Variants in PARD3 observed in about 807,000 individuals in gnomAD.
PARD3 encodes the protein partitioning defective 3 homolog.
In PARD3, 75 loss-of-function variants were observed where a neutral mutation model predicts 155.4. The ratio of observed to expected loss-of-function variants is 0.48; its 90% CI spans 0.40 to 0.58. The LOEUF is 0.58. Among genes scored for constraint, PARD3 ranks in the 20% least tolerant of loss-of-function variants. The pLI, the probability that PARD3 is intolerant of heterozygous loss-of-function variation, is 0.00. For missense variants in PARD3, 1,642 were observed against 1,721.7 expected (o/e 0.95, Z 0.82); for synonymous variants, 576 against 610.5 (o/e 0.94, Z 0.83).
At chr10:34,561,382 T>C (rs1430942023) in intron 2 of PARD3, among the ~76,000 whole-genome samples, 3 of 152,220 alleles carry the variant, frequency 2.0e-5, no homozygotes, top group African/African-American at 7.2e-5. Flanking sequence ...AGTATTTCAT[T>C]TGTCAGTTCC....
At chr10:34,653,331 A>G (rs915057364) in intron 2 of PARD3, among the ~76,000 whole-genome samples, 4 of 152,206 alleles carry the variant, frequency 2.6e-5, no homozygotes, top group African/African-American at 9.6e-5. Context: ...GCTCTCTTAG[A>G]CAGCAAGGAA....
At chr10:34,351,545 G>A (rs1838082553) in intron 14 of PARD3, among the ~76,000 whole-genome samples, 1 of 152,202 alleles carries the variant, frequency 6.6e-6, no homozygotes, top group African/African-American at 2.4e-5. Flanking sequence ...GAGAGTGAAG[G>A]AAGATTTAGA....
intron 2 of PARD3, among the ~76,000 whole-genome samples, chr10:34,654,560 G>C (rs2093112487): frequency 6.6e-6 from 1 of 152,132 alleles, no homozygotes; most frequent in Non-Finnish European, 1.5e-5. Context: ...TAGAGTTCCA[G>C]GTTCCACAAA....
intron 22 of PARD3, among the ~76,000 whole-genome samples, chr10:34,254,067 C>G (rs991210752): frequency 6.6e-6 from 1 of 152,114 alleles, no homozygotes; most frequent in Non-Finnish European, 1.5e-5. Flanking sequence ...GCACTTGTAC[C>G]TGATGAATAC....
At chr10:34,528,977 T>A (rs569472148) in intron 2 of PARD3, among the ~76,000 whole-genome samples, 1 of 152,070 alleles carries the variant, frequency 6.6e-6, no homozygotes, top group Non-Finnish European at 1.5e-5. Context: ...TGAAGGAAAA[T>A]GACAGATTTT....
At chr10:34,156,553 T>G (rs1949013539) in intron 22 of PARD3, among the ~76,000 whole-genome samples, 1 of 152,076 alleles carries the variant, frequency 6.6e-6, no homozygotes, top group African/African-American at 2.4e-5. Context: ...CAATAGGAGG[T>G]AAGAACTTAA....
At position 34,170,960 on chromosome 10, in the gene PARD3, A is replaced by G. The variant is rs1949758872; in HGVS notation, c.3420-39377T>C. Among the ~76,000 whole-genome samples the G allele has an allele frequency of 2.0e-5, 3 of 152,370 alleles. No homozygotes were observed. The South Asian group carries it at 6.2e-4, about 32-fold the overall frequency. ...CTCTTTCATTTACCAATGGCTACTC[A>G]GAGCTGTAATCAAGCCAGGTCGTCT... On this transcript the variant is annotated intron_variant, in intron 22 of 24. Coordinates refer to ENST00000374788, the MANE Select transcript of PARD3 (RefSeq NM_001184785.2).
At chr10:34,713,105 GGGAGGCTGA>G (rs1183350585) in intron 1 of PARD3, among the ~76,000 whole-genome samples, 1 of 152,050 alleles carries the variant, frequency 6.6e-6, no homozygotes, top group African/African-American at 2.4e-5. Context: ...CCAACTACTT[GGGAGGCTGA>G]GGCAGGAGAA....
At chr10:34,637,827 T>A (rs1369179854) in intron 2 of PARD3, among the ~76,000 whole-genome samples, 1 of 152,186 alleles carries the variant, frequency 6.6e-6, no homozygotes, top group Non-Finnish European at 1.5e-5. Flanking sequence ...AACCAAGTGA[T>A]CTCTTCTACA....
At chr10:34,743,838 A>G (rs1005961874) in intron 1 of PARD3, among the ~76,000 whole-genome samples, 5 of 152,052 alleles carry the variant, frequency 3.3e-5, no homozygotes, top group Admixed American at 6.6e-5. Context: ...CTGCCCCCAC[A>G]ATCACGCCTG....
chr10:34,221,816 G>A (rs1952311158), intron 22 of PARD3, among the ~76,000 whole-genome samples: 1 of 152,186 alleles, frequency 6.6e-6, no homozygotes, highest in Non-Finnish European at 1.5e-5. Context: ...ACAAACCGCT[G>A]AGTTAGTTTT....
chr10:34,404,442 G>A (rs1367699127), intron 5 of PARD3, among the ~76,000 whole-genome samples: 1 of 152,142 alleles, frequency 6.6e-6, no homozygotes, highest in African/African-American at 2.4e-5. Flanking sequence ...TGAGGTGGGA[G>A]GACCACTTGA....
chr10:34,360,229 G>C lies in PARD3; in HGVS notation c.1738C>G (p.Pro580Ala), dbSNP rs1209168898. 1 of 1,613,518 alleles carries C rather than the reference G, an allele frequency of 6.2e-7. No homozygotes were observed. Among genetic ancestry groups the C allele is most frequent in the Non-Finnish European group, 8.5e-7 (1 of 1,179,554 alleles). The change falls in exon 13 of 25, where the codon CCT (proline) becomes GCT (alanine). Residue 580 changes from proline (P) to alanine (A), a missense_variant. By Grantham distance (27) the Pro-to-Ala change is conservative (BLOSUM62 -1). Coordinates refer to ENST00000374788, the MANE Select transcript of PARD3 (RefSeq NM_001184785.2). Reference sequence around the variant, plus strand: ...GTCAGAAATTCCCTGGTGCCATCAGGTGTAAGAACAATATCCTCATCTTCT... The same window carrying C: ...GTCAGAAATTCCCTGGTGCCATCAGCTGTAAGAACAATATCCTCATCTTCT... ...KAEDEDIVLT[P>A]DGTREFLTFE...
At chr10:34,207,979 T>C (rs1312760201) in intron 22 of PARD3, among the ~76,000 whole-genome samples, 3 of 152,240 alleles carry the variant, frequency 2.0e-5, no homozygotes, top group Non-Finnish European at 4.4e-5. Context: ...TCTCTCTGGA[T>C]AATATATGCC....
At position 34,652,859 on chromosome 10, in the gene PARD3, C is replaced by T. The variant is rs182844416; in HGVS notation, c.222+43459G>A. Among the ~76,000 whole-genome samples, 459 of 152,162 alleles carry T rather than the reference C, an allele frequency of 3.0e-3. 1 individual carries two copies. The highest frequency in any genetic ancestry group is 4.9e-3 in the Non-Finnish European group (333 of 68,018). On this transcript the variant is annotated intron_variant, in intron 2 of 24. Coordinates refer to ENST00000374788, the MANE Select transcript of PARD3 (RefSeq NM_001184785.2). ...GAGCTTACATATAAAGTTAACAGTGCGTAAGTGGGTTAGATTTTGGCTGTT... is the reference window on the plus strand; with the variant it reads ...GAGCTTACATATAAAGTTAACAGTGTGTAAGTGGGTTAGATTTTGGCTGTT...
At chr10:34,290,302 C>T (rs1023576500) in intron 20 of PARD3, among the ~76,000 whole-genome samples, 3 of 152,128 alleles carry the variant, frequency 2.0e-5, no homozygotes, top group Non-Finnish European at 4.4e-5. Flanking sequence ...AACAGAATAT[C>T]CGGAACCAAT....
At chr10:34,300,212 G>T (rs1957082966) in intron 20 of PARD3, among the ~76,000 whole-genome samples, 1 of 152,146 alleles carries the variant, frequency 6.6e-6, no homozygotes, top group Admixed American at 6.5e-5. Flanking sequence ...TTTTTTGGAA[G>T]TCATGGGAAT....
chr10:34,358,515 G>C (rs1301203182), intron 14 of PARD3, among the ~76,000 whole-genome samples: 1 of 152,132 alleles, frequency 6.6e-6, no homozygotes, highest in Non-Finnish European at 1.5e-5. Context: ...TCTCACAAGA[G>C]AACACCATCA....
At chr10:34,459,227 C>T (rs1165851114) in intron 4 of PARD3, among the ~76,000 whole-genome samples, 5 of 152,060 alleles carry the variant, frequency 3.3e-5, no homozygotes, top group African/African-American at 4.8e-5. Flanking sequence ...AGTGCAGTGG[C>T]GTGATCTCGG....
Sources: gnomAD v4.1 joint callset for allele counts (sites outside exome capture counted in the v4.1 genomes callset) on GRCh38, gnomAD v4.1.1 for gene constraint, MANE v1.5 for transcripts, NCBI Gene and HGNC (gene_info 2026-07-23, HGNC 2026-07-21) for gene names.